Variants in TMEM67 observed in about 807,000 individuals in gnomAD.
TMEM67 encodes transmembrane protein 67.
Under a neutral mutation model 136.6 loss-of-function variants are expected in TMEM67, and 124 were observed. The ratio of observed to expected loss-of-function variants is 0.91; its 90% CI spans 0.78 to 1.05. TMEM67 has a LOEUF of 1.05. Ranked by LOEUF, TMEM67 falls within the 50% of genes least tolerant of loss-of-function variation. The pLI, the probability that TMEM67 is intolerant of heterozygous loss-of-function variation, is 0.00. For missense variants in TMEM67, 1,107 were observed against 1,178.4 expected (o/e 0.94, Z 0.89); for synonymous variants, 364 against 390.5 (o/e 0.93, Z 0.80).
intron 2 of TMEM67, among the ~76,000 whole-genome samples, chr8:93,757,787 G>C (rs4581020): frequency 6.7e-6 from 1 of 148,442 alleles, no homozygotes; most frequent in Non-Finnish European, 1.5e-5. Flanking sequence ...TTTTGAAAGA[G>C]AGTATTACTG....
intron 23 of TMEM67, among the ~76,000 whole-genome samples, chr8:93,808,361 T>C (rs1424738705): frequency 1.7e-5 from 2 of 120,206 alleles, no homozygotes; most frequent in Non-Finnish European, 3.5e-5. Context: ...ATTATAGATA[T>C]ATATTTATCT....
intron 6 of TMEM67, among the ~76,000 whole-genome samples, chr8:93,767,788 A>G (rs928416815): frequency 3.3e-5 from 5 of 151,248 alleles, no homozygotes; most frequent in African/African-American, 1.2e-4. Flanking sequence ...TTATGGTACA[A>G]CAAGATTTCT....
Position 93,755,051 on chromosome 8 carries a change from C to T in TMEM67, c.137C>T (p.Pro46Leu), listed in dbSNP as rs199708882. Residue 46 changes from proline (P) to leucine (L), a missense_variant, in exon 1 of 28, where the codon CCG becomes CTG. Transcript: ENST00000453321. ...ACCTTCTCTTTCCCTTTCCAGCAGC[C>T]GGAGAAGTGCGACAACAACCAGTAC... is the stretch of plus-strand genomic sequence containing the variant. ...AQTFSFPFQQPEKCDNNQYFD... is the reference protein window; with the variant it reads ...AQTFSFPFQQLEKCDNNQYFD... 19 of 1,614,170 alleles carry T rather than the reference C, an allele frequency of 1.2e-5. No homozygotes were observed. The African/African-American group carries it at 1.9e-4, about 16-fold the overall frequency.
intron 23 of TMEM67, among the ~76,000 whole-genome samples, chr8:93,808,525 C>CTATTATAGATGAA (rs1808552117): frequency 5.5e-4 from 9 of 16,224 alleles, no homozygotes; most frequent in South Asian, 5.0e-3. Context: ...TATTTATAAT[C>CTATTATAGATGAA]TATATATATC....
chr8:93,755,002 C>T lies in TMEM67; in HGVS notation c.88C>T (p.Leu30Phe), dbSNP rs1376394849. ...CGTGACCGCGTTCCTTCTGTTGTTC[C>T]TCCCTCGCTTCTTACAGGCCCAGAC... ...RAVTAFLLLF[L>F]PRFLQAQTFS... The change falls in exon 1 of 28, where the codon CTC becomes TTC. Residue 30 changes from leucine to phenylalanine, a missense_variant. Around this residue, in one of 3 missense-constraint regions of TMEM67, gnomAD observed 178 missense variants for 159.2 expected, o/e 1.12. Transcript: ENST00000453321. The T allele has an allele frequency of 1.9e-6, 3 of 1,614,112 alleles. No individual in the cohort carries two copies. The Admixed American group carries it at 5.0e-5, about 27-fold the overall frequency.
At chr8:93,824,023 C>T (rs1209788393), downstream of TMEM67, among the ~76,000 whole-genome samples, 2 of 152,144 alleles carry the variant, frequency 1.3e-5, no homozygotes, top group Non-Finnish European at 2.9e-5. Context: ...AAGGTCTGCT[C>T]CTTGCTGGGG....
intron 23 of TMEM67, among the ~76,000 whole-genome samples, chr8:93,806,968 GTT>G (rs1178403645): frequency 6.6e-6 from 1 of 151,956 alleles, no homozygotes; most frequent in Non-Finnish European, 1.5e-5. Context: ...AATATTGAAA[GTT>G]ATGCAAATCA....
chr8:93,772,089 A>AT (rs1205298329), intron 6 of TMEM67, among the ~76,000 whole-genome samples: 2 of 152,140 alleles, frequency 1.3e-5, no homozygotes, highest in African/African-American at 2.4e-5. Flanking sequence ...GGAGATACTG[A>AT]TTCGTTTTTG....
chr8:93,772,866 A>G (rs1813386173), intron 7 of TMEM67, among the ~76,000 whole-genome samples: 1 of 152,210 alleles, frequency 6.6e-6, no homozygotes, highest in East Asian at 1.9e-4. Flanking sequence ...TTTTTAGCTG[A>G]AACGGAGTGT....
At chr8:93,786,182 T>A in intron 12 of TMEM67, 41 bp from the exon 13 acceptor site, 1 of 1,601,096 alleles carries the variant, frequency 6.2e-7, no homozygotes, top group South Asian at 1.1e-5. Flanking sequence ...ATTTCATGTT[T>A]TAAATTTGTG....
rs745675545 is a variant in TMEM67 at position 93,799,778 on chromosome 8, A to G, written c.2241+20A>G. On this transcript the variant is annotated intron_variant, in intron 21 of 27. Coordinates refer to ENST00000453321, the MANE Select transcript of TMEM67 (RefSeq NM_153704.6). Reference sequence around the variant, plus strand: ...ATACAGGTAAGGAATTATACAGGTAATATTACTTCTAAGTAACATTGCTTC... The same window carrying G: ...ATACAGGTAAGGAATTATACAGGTAGTATTACTTCTAAGTAACATTGCTTC... The G allele has an allele frequency of 4.4e-6, 7 of 1,601,978 alleles. No homozygotes were observed. Among genetic ancestry groups the G allele is most frequent in the South Asian group, 1.1e-5 (1 of 90,806 alleles).
At chr8:93,756,512 TA>T (rs1812579629) in intron 2 of TMEM67, 2 of 152,154 alleles carry the variant, frequency 1.3e-5, no homozygotes, top group African/African-American at 2.4e-5. Context: ...CATTGTCATA[TA>T]AAAAATATTA....
In TMEM67 at chr8:93,816,415, C is replaced by T. The variant is rs1261544013; in HGVS notation, c.2951C>T (p.Ala984Val). 1.3e-6 allele frequency: 2 copies of T among 1,596,888 alleles called. No homozygotes were observed. The highest frequency in any genetic ancestry group is 1.3e-5 in the African/African-American group (1 of 74,566). The change falls in exon 28 of 28, where the codon GCA becomes GTA. Residue 984 changes from alanine to valine, a missense_variant. Transcript: ENST00000453321. ...AATACAGTAGGACAAAAGAATTTGG[C>T]ATCCAAAACATTGGTGGATCAAAGA... ...IRNTVGQKNL[A>V]SKTLVDQRFL... is the part of the protein sequence containing the mutation.
intron 2 of TMEM67, 36 bp from the exon 3 acceptor site, chr8:93,758,447 A>T (rs751419141): frequency 6.6e-6 from 10 of 1,516,272 alleles, no homozygotes; most frequent in Non-Finnish European, 9.2e-6. Context: ...AAAGTTAATT[A>T]AAAAAGAGAA....
intron 3 of TMEM67, chr8:93,759,370 G>A (rs932640517): frequency 2.6e-5 from 4 of 151,378 alleles, no homozygotes; most frequent in African/African-American, 9.7e-5. Flanking sequence ...GGCAAAGGTG[G>A]GAAGATCGCT....
rs527769358 is a variant in TMEM67 at position 93,810,135 on chromosome 8, AT to A, written c.2764+256del. Among the ~76,000 whole-genome samples the A allele has an allele frequency of 2.2e-3, 333 of 150,012 alleles. 1 individual carries two copies. Among genetic ancestry groups the A allele is most frequent in the Non-Finnish European group, 4.0e-3 (271 of 67,410 alleles). ...AGGCGCCCGCCATCACGCCCAGCTA[AT>A]TTTTTTTGTATTTTTAGTAGAGACG... On this transcript the variant is annotated intron_variant, in intron 26 of 27. Transcript: ENST00000453321.
At chr8:93,808,319 C>T (rs1815250403) in intron 23 of TMEM67, among the ~76,000 whole-genome samples, 1 of 136,402 alleles carries the variant, frequency 7.3e-6, no homozygotes, top group Non-Finnish European at 1.5e-5. Flanking sequence ...ATATTATAGA[C>T]AATAAATTAT....
At chr8:93,767,239 T>A (rs1008324971) in intron 6 of TMEM67, among the ~76,000 whole-genome samples, 1 of 152,238 alleles carries the variant, frequency 6.6e-6, no homozygotes, top group Non-Finnish European at 1.5e-5. Context: ...AAAGATGTCA[T>A]GTTCTTTTCA....
chr8:93,828,596 T>C, the TMEM67 span, among the ~76,000 whole-genome samples: 2 of 151,950 alleles, frequency 1.3e-5, no homozygotes, highest in Admixed American at 1.3e-4. Context: ...AGAAAATAGC[T>C]GGGCATGGTG....
Sources: allele counts gnomAD v4.1 joint callset (sites outside exome capture counted in the v4.1 genomes callset), GRCh38; gene constraint gnomAD v4.1.1; regional missense constraint gnomAD v4.1.1; transcripts MANE v1.5; gene names NCBI Gene and HGNC (gene_info 2026-07-23, HGNC 2026-07-21).